Variants in UTRN observed in about 807,000 individuals in gnomAD.
UTRN encodes the protein utrophin, also known as dystrophin-related protein 1.
A neutral mutation model predicts 463.9 loss-of-function variants in UTRN; 283 were observed. The observed-to-expected ratio is 0.61, with a 90% CI of 0.55 to 0.67. The LOEUF is 0.67. Among genes scored for constraint, UTRN ranks in the 30% least tolerant of loss-of-function variants. The probability of loss-of-function intolerance (pLI) is 0.00; values close to 1 mark genes in which losing one functional copy is unlikely to be tolerated. For missense variants in UTRN, 3,922 were observed against 4,084.3 expected (o/e 0.96, Z 1.08); for synonymous variants, 1,442 against 1,431.5 (o/e 1.01, Z -0.17).
chr6:144,573,016 G>T (rs1801097750), intron 50 of UTRN, among the ~76,000 whole-genome samples: 1 of 152,184 alleles, frequency 6.6e-6, no homozygotes. Context: ...CCCACCAACA[G>T]TGTAAAAGCA....
intron 2 of UTRN, among the ~76,000 whole-genome samples, chr6:144,351,242 T>C (rs1158162300): frequency 6.6e-6 from 1 of 152,200 alleles, no homozygotes; most frequent in Non-Finnish European, 1.5e-5. Context: ...AAATGGTGTC[T>C]GTTTGTGTTA....
intron 51 of UTRN, among the ~76,000 whole-genome samples, chr6:144,643,119 C>T (rs573391252): frequency 6.6e-6 from 1 of 151,870 alleles, no homozygotes; most frequent in African/African-American, 2.4e-5. Flanking sequence ...GAAAACCTAC[C>T]GGTGCATGAG....
At chr6:144,365,837 A>G (rs1044725602) in intron 2 of UTRN, among the ~76,000 whole-genome samples, 1 of 152,186 alleles carries the variant, frequency 6.6e-6, no homozygotes, top group Non-Finnish European at 1.5e-5. Flanking sequence ...TCCTGGGTTC[A>G]AGTGATTCTC....
intron 52 of UTRN, among the ~76,000 whole-genome samples, chr6:144,695,346 C>CT (rs202017323): frequency 0.01 from 1,492 of 142,700 alleles, 25 homozygotes; most frequent in East Asian, 0.067. Flanking sequence ...CATGATTAAA[C>CT]TTTTTTTTTT....
chr6:144,489,701 A>G (rs1024224888), intron 30 of UTRN, among the ~76,000 whole-genome samples: 2 of 152,048 alleles, frequency 1.3e-5, no homozygotes, highest in African/African-American at 2.4e-5. Flanking sequence ...GGCTCACTGC[A>G]AACTCTGCCC....
In UTRN at chr6:144,748,479, A is replaced by G; in HGVS notation, c.8173A>G (p.Ile2725Val). ...CTGGAAGCCCGTGGGAGACTTACTC[A>G]TTGACTCGCTGCAGGATCACATTGA... ...NGWKPVGDLL[I>V]DSLQDHIEKI... The change falls in exon 55 of 75, where the codon ATT (isoleucine) becomes GTT (valine). Residue 2725 changes from isoleucine (I) to valine (V), a missense_variant. By Grantham distance (29) the Ile-to-Val change is conservative (BLOSUM62 3). Transcript: ENST00000367545. 1 of 1,613,982 alleles carries G rather than the reference A, an allele frequency of 6.2e-7. No individual in the cohort carries two copies. The highest frequency in any genetic ancestry group is 1.7e-4 in the Middle Eastern group (1 of 6,060).
At chr6:144,315,174 T>C (rs1775201721) in intron 2 of UTRN, among the ~76,000 whole-genome samples, 1 of 152,192 alleles carries the variant, frequency 6.6e-6, no homozygotes, top group South Asian at 2.1e-4. Flanking sequence ...TAATGGTAGC[T>C]GAAAGACAAT....
chr6:144,514,745 G>A lies in UTRN; in HGVS notation c.5169G>A (p.Arg1723=), dbSNP rs770858473. ...ILMNARGSSS[R]ELVEPKLAEL... is the part of the protein sequence containing the mutation. ...TGAATGCCCGTGGAAGCTCAAGCAG[G>A]GAGCTTGTAGAACCAAAGTTAGCTG... Residue 1723 remains arginine, a synonymous_variant, in exon 37 of 75, where the codon AGG becomes AGA. Transcript: ENST00000367545. The A allele has an allele frequency of 6.2e-7, 1 of 1,614,110 alleles. No homozygotes were observed. The highest frequency in any genetic ancestry group is 8.5e-7 in the Non-Finnish European group (1 of 1,180,008).
intron 50 of UTRN, among the ~76,000 whole-genome samples, chr6:144,567,083 A>G (rs6933473): frequency 0.93 from 141,744 of 152,210 alleles, 66,190 homozygotes; most frequent in East Asian, 1. Flanking sequence ...GGAGGTGGAG[A>G]TTGCAGTGAG....
At chr6:144,302,475 A>G (rs1011258990) in intron 2 of UTRN, among the ~76,000 whole-genome samples, 4 of 150,704 alleles carry the variant, frequency 2.7e-5, no homozygotes, top group Non-Finnish European at 5.9e-5. Flanking sequence ...GTGCCAATGC[A>G]CTCCAGCCTG....
chr6:144,708,327 CT>C (rs1332515498), intron 53 of UTRN: 14 of 666,786 alleles, frequency 2.1e-5, no homozygotes, highest in South Asian at 8.2e-5. Context: ...AAGAAGTCTT[CT>C]GTATTTTCCA....
At chr6:144,556,406 A>G (rs1487696011) in intron 49 of UTRN, among the ~76,000 whole-genome samples, 1 of 152,212 alleles carries the variant, frequency 6.6e-6, no homozygotes, top group African/African-American at 2.4e-5. Context: ...AGAGGAATAC[A>G]ATTAAAAGTG....
chr6:144,734,813 G>T (rs747772859), intron 54 of UTRN, among the ~76,000 whole-genome samples: 1 of 152,156 alleles, frequency 6.6e-6, no homozygotes, highest in East Asian at 1.9e-4. Flanking sequence ...GAATATATAA[G>T]TCATGTCATG....
At chr6:144,501,197 A>AT (rs1416234480) in intron 34 of UTRN, among the ~76,000 whole-genome samples, 5 of 152,224 alleles carry the variant, frequency 3.3e-5, no homozygotes, top group African/African-American at 4.8e-5. Context: ...GAAGAAAGGA[A>AT]TGTATGAGGG....
At chr6:144,594,818 G>T (rs1358458849) in intron 51 of UTRN, among the ~76,000 whole-genome samples, 1 of 151,988 alleles carries the variant, frequency 6.6e-6, no homozygotes, top group Non-Finnish European at 1.5e-5. Context: ...AGGCAACCCT[G>T]AACACTTTCT....
chr6:144,389,067 A>G (rs922198638), intron 2 of UTRN, among the ~76,000 whole-genome samples: 2 of 152,216 alleles, frequency 1.3e-5, no homozygotes, highest in Admixed American at 6.5e-5. Context: ...CAAGGTGGTC[A>G]GAGCACAGTT....
intron 53 of UTRN, among the ~76,000 whole-genome samples, chr6:144,723,424 A>G (rs1787436078): frequency 6.6e-6 from 1 of 152,212 alleles, no homozygotes; most frequent in Non-Finnish European, 1.5e-5. Context: ...ATAATTTATT[A>G]TGCTCAAGCA....
chr6:144,793,750 G>A (rs962977990), intron 62 of UTRN, 84 bp from the exon 63 acceptor site: 1 of 1,524,394 alleles, frequency 6.6e-7, no homozygotes, highest in African/African-American at 1.4e-5. Context: ...AATCTGCATG[G>A]TTCAGTCCAC....
intron 43 of UTRN, among the ~76,000 whole-genome samples, chr6:144,536,535 A>G (rs1163170683): frequency 6.6e-6 from 1 of 152,090 alleles, no homozygotes; most frequent in African/African-American, 2.4e-5. Context: ...TTTAAACATT[A>G]TACATCAAAT....
Sources: allele counts gnomAD v4.1 joint callset (sites outside exome capture counted in the v4.1 genomes callset), GRCh38; gene constraint gnomAD v4.1.1; transcripts MANE v1.5; gene names NCBI Gene and HGNC (gene_info 2026-07-23, HGNC 2026-07-21).